The following TAPT1 variants were observed in gnomAD, a reference collection of about 807,000 sequenced individuals.
TAPT1 encodes transmembrane anterior posterior transformation 1.
TAPT1 carries 28 observed loss-of-function variants against 65.6 expected under a neutral mutation model. The observed-to-expected ratio is 0.43, with a 90% CI of 0.32 to 0.59. TAPT1 has a LOEUF of 0.59. Ranked by LOEUF, TAPT1 falls within the 20% of genes least tolerant of loss-of-function variation. The pLI, the probability that TAPT1 is intolerant of heterozygous loss-of-function variation, is 0.09. For synonymous variants in TAPT1, 278 were observed against 245.2 expected (o/e 1.13, Z -1.25); for missense variants, 563 against 679.9 (o/e 0.83, Z 1.91).
intron 13 of TAPT1, 144 bp downstream of exon 13, chr4:16,166,489 A>G: frequency 1.0e-6 from 1 of 961,992 alleles, no homozygotes; most frequent in South Asian, 1.7e-5. Context: ...TATATATGGG[A>G]TGAAATCTAA....
In TAPT1 at chr4:16,163,413, G is replaced by A. The variant is rs34007466; in HGVS notation, c.1599C>T (p.Asp533=). 0.011 allele frequency: 18,371 copies of A among 1,613,744 alleles called. 152 individuals carry two copies. Among genetic ancestry groups the A allele is most frequent in the Non-Finnish European group, 0.014 (16,569 of 1,179,802 alleles). ...AATTGTCCTGCGTTATGTCCTTCTC[G>A]TCACCATCTGGAGTTGTCAAAAACT... ...SDQFLTTPDG[D]EKDITQDNSE... Residue 533 remains aspartate, a synonymous_variant, in exon 14 of 14, where the codon GAC becomes GAT. Transcript: ENST00000405303.
At position 16,226,335 on chromosome 4, in the gene TAPT1, C is replaced by T. The variant is rs985376651; in HGVS notation, c.123G>A (p.Pro41=). ...QPGGSGGQGP[P]PAPQLTETLG... is the part of the protein sequence containing the mutation. ...GCGTCTCTGTGAGCTGAGGCGCCGG[C>T]GGGGGCCCCTGTCCGCCGCTGCCGC... Residue 41 remains proline, a synonymous_variant, in exon 1 of 14, where the codon CCG becomes CCA. Transcript: ENST00000405303. 5.3e-5 allele frequency: 59 copies of T among 1,119,170 alleles called. No individual in the cohort carries two copies. The African/African-American group carries it at 9.3e-4, about 18-fold the overall frequency. 69.3% of individuals were successfully genotyped at this position (1,119,170 alleles called of 1,614,324 possible).
chr4:16,172,356 CAAA>C (rs74272258), intron 11 of TAPT1, among the ~76,000 whole-genome samples: 1 of 134,954 alleles, frequency 7.4e-6, no homozygotes, highest in Non-Finnish European at 1.6e-5. Context: ...CCAATCCTTA[CAAA>C]AAAAAAAAAA....
chr4:16,167,371 C>T (rs1235123872), intron 12 of TAPT1, among the ~76,000 whole-genome samples: 1 of 152,114 alleles, frequency 6.6e-6, no homozygotes, highest in Non-Finnish European at 1.5e-5. Flanking sequence ...TCTTTTATTA[C>T]ACAACAAATA....
chr4:16,186,456 AAAATGTGCCATTAGGAT>A (rs1456558737), intron 7 of TAPT1, 62 bp downstream of exon 7: 1 of 897,998 alleles, frequency 1.1e-6, no homozygotes, highest in Admixed American at 2.5e-5. Flanking sequence ...TGGCCCAGAG[AAAATGTGCCATTAGGAT>A]TTCAGAATGA....
chr4:16,207,101 G>C (rs1173511333), intron 2 of TAPT1, among the ~76,000 whole-genome samples: 1 of 152,206 alleles, frequency 6.6e-6, no homozygotes, highest in East Asian at 1.9e-4. Flanking sequence ...CCACACAGCA[G>C]GGGCTGGGGG....
intron 1 of TAPT1, among the ~76,000 whole-genome samples, chr4:16,218,948 C>T (rs369267726): frequency 9.2e-5 from 14 of 152,018 alleles, no homozygotes; most frequent in African/African-American, 2.9e-4. Context: ...ATTACAAGTA[C>T]AAAACAATAC....
intron 3 of TAPT1, among the ~76,000 whole-genome samples, chr4:16,191,931 T>C (rs140344927): frequency 2.0e-5 from 3 of 152,366 alleles, no homozygotes; most frequent in African/African-American, 7.2e-5. Context: ...CTGCATTTTG[T>C]ACTTTATTTA....
chr4:16,214,819 T>C (rs568946313), intron 1 of TAPT1, among the ~76,000 whole-genome samples: 2 of 152,314 alleles, frequency 1.3e-5, no homozygotes, highest in South Asian at 2.1e-4. Context: ...CTGTCCACTG[T>C]TCTCTTTGCT....
chr4:16,222,546 T>C (rs1751311778), intron 1 of TAPT1, among the ~76,000 whole-genome samples: 1 of 152,226 alleles, frequency 6.6e-6, no homozygotes, highest in Admixed American at 6.5e-5. Flanking sequence ...CTATGTGATA[T>C]AGGTGAAGAC....
Position 16,174,258 on chromosome 4 carries a change from G to A in TAPT1, c.1182C>T (p.Tyr394=), listed in dbSNP as rs1473707750. The stretch of plus-strand genomic sequence containing the variant: ...CCATCCTCCGTGCTACAGAGTCACT[G>A]TAATCAGTGTATGCCTGAACAGAGA... ...SSRQKNAYTD[Y]SDSVARRMGF... is the part of the protein sequence containing the mutation. The change falls in exon 11 of 14, where the codon TAC becomes TAT. Residue 394 remains tyrosine (Y), a synonymous_variant. Transcript: ENST00000405303. 1 of 1,607,036 alleles carries A rather than the reference G, an allele frequency of 6.2e-7. No homozygotes were observed. Among genetic ancestry groups the A allele is most frequent in the Non-Finnish European group, 8.5e-7 (1 of 1,176,594 alleles).
rs575451822 is a variant in TAPT1, at chr4:16,177,618, G to A, written c.998-1390C>T. On this transcript the variant is annotated intron_variant, in intron 8 of 13. Coordinates refer to ENST00000405303, the MANE Select transcript of TAPT1 (RefSeq NM_153365.3). Reference sequence around the variant, plus strand: ...TTTTAATCCACATCACTAGCAAAGGGCAAGTTTCTTAATGAGCTAAATTCC... The same window carrying A: ...TTTTAATCCACATCACTAGCAAAGGACAAGTTTCTTAATGAGCTAAATTCC... Among the ~76,000 whole-genome samples the A allele has an allele frequency of 6.6e-5, 10 of 152,280 alleles. 2 individuals carry two copies. The South Asian group carries it at 1.7e-3, about 25-fold the overall frequency.
rs996274814 is a variant in TAPT1 at position 16,213,866 on chromosome 4, G to C, written c.232C>G (p.Leu78Val). The change falls in exon 2 of 14, where the codon CTA becomes GTA. Residue 78 changes from leucine to valine, a missense_variant. Around this residue, in one of 5 missense-constraint regions of TAPT1, gnomAD observed 217 missense variants for 317.5 expected, o/e 0.68. Coordinates refer to ENST00000405303, the MANE Select transcript of TAPT1 (RefSeq NM_153365.3). ...TGTTCAAGGAAGTACCCTCTTGTTA[G>C]TTCAGCACTGAGGAACCTCAACAAT... ...LSLLRFLSAE[L>V]TRGYFLEHNE... The C allele has an allele frequency of 3.1e-6, 5 of 1,603,856 alleles. No individual in the cohort carries two copies. Among genetic ancestry groups the C allele is most frequent in the Admixed American group, 3.5e-5 (2 of 57,258 alleles).
At chr4:16,175,974 A>G (rs1748298493) in intron 9 of TAPT1, 145 bp downstream of exon 9, 1 of 548,250 alleles carries the variant, frequency 1.8e-6, no homozygotes. Context: ...AAAACAGAAT[A>G]CTTTCAATAG....
rs28627285 is a variant in TAPT1 at position 16,179,826 on chromosome 4, G to A, written c.917-169C>T. 0.025 allele frequency among the ~76,000 whole-genome samples: 3,397 copies of A among 136,096 alleles called. 127 individuals carry two copies. Among genetic ancestry groups the A allele is most frequent in the African/African-American group, 0.091 (3,145 of 34,624 alleles). 89.3% of individuals were successfully genotyped at this position (136,096 alleles called of 152,430 possible). A position where few individuals can be genotyped will look rare whatever the true frequency, so the allele number is the denominator to read the frequency against. On this transcript the variant is annotated intron_variant, in intron 7 of 13. Transcript: ENST00000405303. ...TATGTGTGTGTGTGTGTGTGTGTGT[G>A]TATATATAGGCTGGTGCTACCATGG...
At chr4:16,209,533 C>G (rs1178018109) in intron 2 of TAPT1, among the ~76,000 whole-genome samples, 3 of 152,174 alleles carry the variant, frequency 2.0e-5, no homozygotes, top group African/African-American at 7.2e-5. Flanking sequence ...TATTTCTTTA[C>G]TATTTACTGT....
intron 1 of TAPT1, among the ~76,000 whole-genome samples, chr4:16,221,003 C>T (rs1456285076): frequency 2.6e-5 from 4 of 150,950 alleles, no homozygotes; most frequent in East Asian, 2.0e-4. Context: ...CCAAGTGCTA[C>T]GATTATAGGT....
chr4:16,174,393 C>G (rs1219385799), intron 10 of TAPT1, 121 bp from the exon 11 acceptor site: 2 of 841,506 alleles, frequency 2.4e-6, no homozygotes, highest in Non-Finnish European at 3.7e-6. Context: ...AAGAACAGAA[C>G]CTGGCACTTA....
intron 7 of TAPT1, among the ~76,000 whole-genome samples, chr4:16,183,925 G>C (rs1326109035): frequency 2.0e-5 from 3 of 152,094 alleles, no homozygotes; most frequent in Non-Finnish European, 4.4e-5. Context: ...GAATCATCTA[G>C]GCTTTATGTT....
Sources: gnomAD v4.1 joint callset for allele counts (sites outside exome capture counted in the v4.1 genomes callset) on GRCh38, gnomAD v4.1.1 for gene constraint, gnomAD v4.1.1 regional missense constraint, MANE v1.5 for transcripts, NCBI Gene and HGNC (gene_info 2026-07-23, HGNC 2026-07-21) for gene names.